The following AK5 variants were observed in gnomAD, a reference collection of about 807,000 sequenced individuals.
AK5 encodes the protein adenylate kinase 5, also known as adenylate kinase isoenzyme 5.
In AK5, 27 loss-of-function variants were observed where a neutral mutation model predicts 69.5. The ratio of observed to expected loss-of-function variants is 0.39; its 90% confidence interval spans 0.29 to 0.54. The LOEUF (loss-of-function observed/expected upper bound fraction) is 0.54, where lower values mean the gene tolerates loss of function less well. Among genes scored for constraint, AK5 ranks in the 20% least tolerant of loss-of-function variants. The pLI, the probability that AK5 is intolerant of heterozygous loss-of-function variation, is 0.71. For synonymous variants in AK5, 260 were observed against 244.4 expected (o/e 1.06, Z -0.60); for missense variants, 531 against 700.4 (o/e 0.76, Z 2.73).
intron 8 of AK5, among the ~76,000 whole-genome samples, chr1:77,470,862 TA>T (rs1557615808): frequency 0.011 from 30 of 2,646 alleles, no homozygotes; most frequent in East Asian, 0.012. Flanking sequence ...TATATATATA[TA>T]TATATATATA....
At chr1:77,459,235 G>A (rs1039496978) in intron 8 of AK5, among the ~76,000 whole-genome samples, 3 of 152,042 alleles carry the variant, frequency 2.0e-5, no homozygotes, top group Admixed American at 1.3e-4. Context: ...CCTTTTAATG[G>A]CTTCTCACTG....
At chr1:77,550,354 C>T (rs563697582) in intron 13 of AK5, among the ~76,000 whole-genome samples, 6 of 152,230 alleles carry the variant, frequency 3.9e-5, no homozygotes, top group South Asian at 2.1e-4. Context: ...GCAGATCTTT[C>T]GGAGAAAGGT....
intron 5 of AK5, among the ~76,000 whole-genome samples, chr1:77,338,267 G>T (rs1661474059): frequency 6.6e-6 from 1 of 152,058 alleles, no homozygotes; most frequent in African/African-American, 2.4e-5. Context: ...CTGGCCATTT[G>T]AACAATGTTT....
chr1:77,309,708 AT>A (rs1166654692), intron 5 of AK5, among the ~76,000 whole-genome samples: 2 of 152,104 alleles, frequency 1.3e-5, no homozygotes, highest in Admixed American at 1.3e-4. Context: ...CATTCTTCAA[AT>A]TACTAGTGAA....
chr1:77,507,301 A>G (rs1273195771), intron 10 of AK5, among the ~76,000 whole-genome samples: 2 of 152,118 alleles, frequency 1.3e-5, no homozygotes, highest in African/African-American at 4.8e-5. Context: ...CACATATGAG[A>G]GGCTGTAGAG....
intron 12 of AK5, among the ~76,000 whole-genome samples, chr1:77,533,494 G>A (rs887332099): frequency 1.7e-5 from 2 of 120,822 alleles, no homozygotes; most frequent in African/African-American, 6.7e-5. Context: ...AGGCTGCAGA[G>A]CAAGACTCTG....
chr1:77,396,137 T>C (rs1186597415), intron 6 of AK5, among the ~76,000 whole-genome samples: 2 of 152,340 alleles, frequency 1.3e-5, no homozygotes, highest in African/African-American at 4.8e-5. Flanking sequence ...TCTTCTGCCA[T>C]TTTAGTGGAA....
chr1:77,338,005 C>T lies in AK5; in HGVS notation c.700-2372C>T, dbSNP rs1194135155. On this transcript the variant is annotated intron_variant, in intron 5 of 13. Coordinates refer to ENST00000354567, the MANE Select transcript of AK5 (RefSeq NM_174858.3). ...TTGAGACAGAGTCTTGCTCTTGTCA[C>T]CCAGGCTGGAGTGCAATGGCACGAT... is the stretch of plus-strand genomic sequence containing the variant. Among the ~76,000 whole-genome samples the T allele has an allele frequency of 3.3e-5, 5 of 149,888 alleles. No individual in the cohort carries two copies. In the East Asian group the frequency reaches 9.7e-4, roughly 29 times the overall value.
chr1:77,494,424 C>G (rs1656174855), intron 10 of AK5, among the ~76,000 whole-genome samples: 1 of 152,162 alleles, frequency 6.6e-6, no homozygotes, highest in South Asian at 2.1e-4. Flanking sequence ...GCTGCAGGAT[C>G]TAGCAGGCCC....
intron 10 of AK5, among the ~76,000 whole-genome samples, chr1:77,488,712 G>C (rs12034334): frequency 0.14 from 21,381 of 152,166 alleles, 1,963 homozygotes; most frequent in Non-Finnish European, 0.18. Flanking sequence ...CAGGCTGAGA[G>C]GGTAGGCCAG....
chr1:77,310,356 C>A lies in AK5; in HGVS notation c.699+12409C>A, dbSNP rs540206992. ...TATATCCTGATATCCAAAGAACAAT[C>A]CCACCCCTTCTGTTTTTTTGGTTTT... On this transcript the variant is annotated intron_variant, in intron 5 of 13. Transcript: ENST00000354567. Among the ~76,000 whole-genome samples the A allele has an allele frequency of 3.4e-4, 52 of 151,934 alleles. No individual in the cohort carries two copies. The South Asian group carries it at 5.8e-3, about 17-fold the overall frequency.
chr1:77,440,129 G>T (rs12747320), intron 8 of AK5, among the ~76,000 whole-genome samples: 8,090 of 152,134 alleles, frequency 0.053, 332 homozygotes, highest in South Asian at 0.082. Flanking sequence ...GCTTCCAGGT[G>T]TAGGGCTCCC....
intron 6 of AK5, among the ~76,000 whole-genome samples, chr1:77,406,757 A>C (rs1238416665): frequency 6.7e-6 from 1 of 148,246 alleles, no homozygotes; most frequent in Non-Finnish European, 1.5e-5. Flanking sequence ...TGGTGCTCAC[A>C]CCAGGCTTGG....
At chr1:77,423,215 C>T (rs1255570233) in intron 8 of AK5, among the ~76,000 whole-genome samples, 1 of 85,908 alleles carries the variant, frequency 1.2e-5, no homozygotes, top group African/African-American at 5.0e-5. Context: ...AGCAAGACTC[C>T]GTCTAAAAAA....
chr1:77,376,128 G>T (rs1226275300), intron 6 of AK5, among the ~76,000 whole-genome samples: 1 of 152,154 alleles, frequency 6.6e-6, no homozygotes, highest in Non-Finnish European at 1.5e-5. Flanking sequence ...CACAGCTTCA[G>T]ACTCCTGGCT....
chr1:77,372,162 A>G (rs1557538884), intron 6 of AK5, among the ~76,000 whole-genome samples: 1 of 150,412 alleles, frequency 6.6e-6, no homozygotes, highest in East Asian at 1.9e-4. Flanking sequence ...ACCTTGAATA[A>G]TAACACTAGA....
chr1:77,502,891 CT>C (rs1656806357), intron 10 of AK5, among the ~76,000 whole-genome samples: 2 of 152,210 alleles, frequency 1.3e-5, no homozygotes, highest in African/African-American at 2.4e-5. Context: ...ATGCCACCCC[CT>C]CTCACACCCT....
intron 6 of AK5, among the ~76,000 whole-genome samples, chr1:77,341,388 C>T (rs970363350): frequency 6.6e-6 from 1 of 152,210 alleles, no homozygotes. Context: ...TAGATGGTGG[C>T]AGACCTTGGC....
At chr1:77,536,336 C>T (rs1183133399) in intron 13 of AK5, among the ~76,000 whole-genome samples, 1 of 152,154 alleles carries the variant, frequency 6.6e-6, no homozygotes, top group Non-Finnish European at 1.5e-5. Flanking sequence ...TGCCTATAAT[C>T]CCAGCTACTC....
Sources: allele counts gnomAD v4.1 joint callset (sites outside exome capture counted in the v4.1 genomes callset), GRCh38; gene constraint gnomAD v4.1.1; transcripts MANE v1.5; gene names NCBI Gene and HGNC (gene_info 2026-07-23, HGNC 2026-07-21).